The following NCKAP1 variants were observed in gnomAD, a reference collection of about 807,000 sequenced individuals.
NCKAP1 encodes nck-associated protein 1.
Under a neutral mutation model 151.2 loss-of-function variants are expected in NCKAP1, and 21 were observed. The ratio of observed to expected loss-of-function variants is 0.14; its 90% CI spans 0.10 to 0.20. The LOEUF (loss-of-function observed/expected upper bound fraction) is 0.20, where lower values mean the gene tolerates loss of function less well. Ranked by LOEUF, NCKAP1 falls within the 10% of genes least tolerant of loss-of-function variation. The probability of loss-of-function intolerance (pLI) is 1.00; values close to 1 mark genes in which losing one functional copy is unlikely to be tolerated. For missense variants in NCKAP1, 933 were observed against 1,352.1 expected, an observed-to-expected ratio of 0.69 and a Z score of 4.86; for synonymous variants, 484 against 451.8, an observed-to-expected ratio of 1.07 and a Z score of -0.90.
In NCKAP1 at chr2:183,026,022, T is replaced by C. The variant is rs975995051; in HGVS notation, c.109-2106A>G. On this transcript the variant is annotated intron_variant, in intron 1 of 30. Coordinates refer to ENST00000361354, the MANE Select transcript of NCKAP1 (RefSeq NM_013436.5). ...AACCACAAATTTTACTGTTTAAGAATGTAAACATATAAACAACTTCGTTGG... is the reference window on the plus strand; with the variant it reads ...AACCACAAATTTTACTGTTTAAGAACGTAAACATATAAACAACTTCGTTGG... Among the ~76,000 whole-genome samples, 3 of 152,256 alleles carry C rather than the reference T, an allele frequency of 2.0e-5. 1 individual carries two copies. Among genetic ancestry groups the C allele is most frequent in the South Asian group, 4.1e-4 (2 of 4,838 alleles).
chr2:183,024,995 G>T (rs1035790951), intron 1 of NCKAP1: 2 of 1,612,054 alleles, frequency 1.2e-6, no homozygotes, highest in African/African-American at 2.7e-5. Context: ...ACTTGTCCTT[G>T]CTGGGGAAGC....
intron 2 of NCKAP1, among the ~76,000 whole-genome samples, chr2:183,015,732 T>C (rs1698671215): frequency 6.6e-6 from 1 of 151,782 alleles, no homozygotes; most frequent in African/African-American, 2.4e-5. Context: ...CTTAGGCCTT[T>C]ATTAATATTT....
intron 2 of NCKAP1, 120 bp downstream of exon 2, chr2:183,023,686 T>C: frequency 1.3e-6 from 1 of 750,644 alleles, no homozygotes; most frequent in Non-Finnish European, 2.2e-6. Flanking sequence ...TTAAGGTATA[T>C]AATCTGTATA....
chr2:182,961,402 A>C (rs1204705771), intron 18 of NCKAP1, among the ~76,000 whole-genome samples: 1 of 152,246 alleles, frequency 6.6e-6, no homozygotes, highest in African/African-American at 2.4e-5. Flanking sequence ...CTATGCGGCC[A>C]TAAAAAATGA....
At chr2:182,935,155 T>A in intron 25 of NCKAP1, 138 bp downstream of exon 25, 5 of 672,566 alleles carry the variant, frequency 7.4e-6, no homozygotes, top group Non-Finnish European at 1.2e-5. Flanking sequence ...ATTTTATGTA[T>A]GTTATTTTCT....
At chr2:182,965,765 T>C (rs1697557595) in intron 16 of NCKAP1, among the ~76,000 whole-genome samples, 1 of 152,216 alleles carries the variant, frequency 6.6e-6, no homozygotes, top group Non-Finnish European at 1.5e-5. Context: ...TATTCTTCTT[T>C]TGGAATAGGA....
At position 183,003,256 on chromosome 2, in the gene NCKAP1, A is replaced by T. The variant is rs1698407174; in HGVS notation, c.289T>A (p.Phe97Ile). 2.6e-6 allele frequency: 4 copies of T among 1,562,704 alleles called. No individual in the cohort carries two copies. The highest frequency in any genetic ancestry group is 3.5e-6 in the Non-Finnish European group (4 of 1,142,004). ...ACCTTAAATTCCATAACATCTACAA[A>T]TGTGAAGTAATATAATGCCAGATTT... ...LKNLALYYFT[F>I]VDVMEFKDHV... Residue 97 changes from phenylalanine to isoleucine, a missense_variant, in exon 3 of 31, where the codon TTT (phenylalanine) becomes ATT (isoleucine). This residue lies in a region of NCKAP1 where 607 missense variants were observed against 795.0 expected (regional missense o/e 0.76). Coordinates refer to ENST00000361354, the MANE Select transcript of NCKAP1 (RefSeq NM_013436.5).
intron 2 of NCKAP1, among the ~76,000 whole-genome samples, chr2:183,013,530 C>T (rs1186846303): frequency 6.6e-6 from 1 of 152,122 alleles, no homozygotes; most frequent in Non-Finnish European, 1.5e-5. Flanking sequence ...CATTTCTCAC[C>T]TCAACCACCC....
At chr2:182,962,091 T>C (rs1047323394) in intron 18 of NCKAP1, 68 bp downstream of exon 18, 4 of 1,495,198 alleles carry the variant, frequency 2.7e-6, no homozygotes, top group Middle Eastern at 1.8e-4. Flanking sequence ...AAACAACAAC[T>C]GGCTAAAAGC....
intron 26 of NCKAP1, among the ~76,000 whole-genome samples, chr2:182,932,083 C>T (rs1427530484): frequency 6.6e-6 from 1 of 152,102 alleles, no homozygotes. Context: ...AAAGGCTAAA[C>T]ATACAGTTTT....
intron 2 of NCKAP1, among the ~76,000 whole-genome samples, chr2:183,016,020 T>C (rs140103660): frequency 1.3e-5 from 2 of 152,226 alleles, no homozygotes; most frequent in South Asian, 4.1e-4. Context: ...TTTTGTTGCA[T>C]AGGAGAGACA....
chr2:182,934,690 A>T, intron 26 of NCKAP1, 62 bp downstream of exon 26: 2 of 820,214 alleles, frequency 2.4e-6, no homozygotes, highest in East Asian at 5.6e-5. Context: ...ATTTTCTTGC[A>T]TATGTAATTT....
At chr2:182,993,093 G>C (rs1698200442) in intron 8 of NCKAP1, among the ~76,000 whole-genome samples, 1 of 152,134 alleles carries the variant, frequency 6.6e-6, no homozygotes. Flanking sequence ...ACCATCAACA[G>C]ATACCAAAAT....
intron 13 of NCKAP1, among the ~76,000 whole-genome samples, chr2:182,980,084 T>A (rs1398046729): frequency 6.6e-6 from 1 of 152,118 alleles, no homozygotes; most frequent in Non-Finnish European, 1.5e-5. Flanking sequence ...TTAAACTGTA[T>A]GCTAGTATGA....
chr2:182,929,620 A>G (rs1379508167), intron 27 of NCKAP1, among the ~76,000 whole-genome samples: 1 of 151,966 alleles, frequency 6.6e-6, no homozygotes, highest in Admixed American at 6.6e-5. Context: ...AATTGAATGT[A>G]AGAAAAGAGC....
At chr2:182,971,698 T>C (rs1336888376) in intron 15 of NCKAP1, among the ~76,000 whole-genome samples, 1 of 152,126 alleles carries the variant, frequency 6.6e-6, no homozygotes, top group Non-Finnish European at 1.5e-5. Context: ...CAGTATGGTG[T>C]TGGCATAAAA....
At chr2:182,948,933 T>G (rs1178971722) in intron 23 of NCKAP1, among the ~76,000 whole-genome samples, 1 of 151,780 alleles carries the variant, frequency 6.6e-6, no homozygotes, top group African/African-American at 2.4e-5. Flanking sequence ...TCTCTAAGAG[T>G]GACAACAAAA....
intron 24 of NCKAP1, among the ~76,000 whole-genome samples, chr2:182,939,932 A>T (rs1444202846): frequency 6.6e-6 from 1 of 152,228 alleles, no homozygotes; most frequent in Non-Finnish European, 1.5e-5. Flanking sequence ...CAATTCCAAA[A>T]TGGCCAATGA....
At chr2:183,035,828 G>C (rs1308682905) in intron 1 of NCKAP1, among the ~76,000 whole-genome samples, 1 of 152,116 alleles carries the variant, frequency 6.6e-6, no homozygotes, top group Non-Finnish European at 1.5e-5. Flanking sequence ...TTTTGAGAGA[G>C]AGGAGGGAAG....
Sources: allele counts gnomAD v4.1 joint callset (sites outside exome capture counted in the v4.1 genomes callset), GRCh38; gene constraint gnomAD v4.1.1; regional missense constraint gnomAD v4.1.1; transcripts MANE v1.5; gene names NCBI Gene and HGNC (gene_info 2026-07-23, HGNC 2026-07-21).